Variants in PARD3B observed in about 807,000 individuals in gnomAD.
PARD3B encodes partitioning defective 3 homolog B.
A neutral mutation model predicts 130.2 loss-of-function variants in PARD3B; 103 were observed. The ratio of observed to expected loss-of-function variants is 0.79; its 90% CI spans 0.67 to 0.93. PARD3B has a LOEUF of 0.93. Among genes scored for constraint, PARD3B ranks in the 40% least tolerant of loss-of-function variants. The pLI is 0.00. For missense variants in PARD3B, 1,609 were observed against 1,499.2 expected (o/e 1.07, Z -1.21); for synonymous variants, 583 against 553.2 (o/e 1.05, Z -0.76).
intron 18 of PARD3B, among the ~76,000 whole-genome samples, chr2:205,390,564 T>A (rs2045822304): frequency 6.6e-6 from 1 of 152,198 alleles, no homozygotes; most frequent in African/African-American, 2.4e-5. Flanking sequence ...GTTATAAAGA[T>A]AAGTTTTACT....
At chr2:205,086,364 C>T (rs1701742065) in intron 4 of PARD3B, among the ~76,000 whole-genome samples, 2 of 152,100 alleles carry the variant, frequency 1.3e-5, no homozygotes. Flanking sequence ...CATGTGGCCT[C>T]TTTATTTTCC....
chr2:205,422,052 T>TA (rs761155099), intron 19 of PARD3B, among the ~76,000 whole-genome samples: 1 of 151,948 alleles, frequency 6.6e-6, no homozygotes, highest in Admixed American at 6.6e-5. Flanking sequence ...AACAGATAAA[T>TA]AAAAAAGATA....
intron 18 of PARD3B, among the ~76,000 whole-genome samples, chr2:205,388,170 A>G (rs1189226814): frequency 6.6e-6 from 1 of 152,172 alleles, no homozygotes; most frequent in African/African-American, 2.4e-5. Context: ...TGTGCTTCCT[A>G]GGATTGTGCA....
chr2:204,614,047 G>A (rs2034022537), intron 1 of PARD3B, among the ~76,000 whole-genome samples: 1 of 151,760 alleles, frequency 6.6e-6, no homozygotes, highest in Admixed American at 6.6e-5. Flanking sequence ...TATAGGTTTG[G>A]ATTTTTTTTT....
intron 3 of PARD3B, among the ~76,000 whole-genome samples, chr2:205,023,551 C>G (rs1261250385): frequency 2.4e-5 from 3 of 125,298 alleles, no homozygotes; most frequent in Non-Finnish European, 4.9e-5. Context: ...CCCGCCAAAT[C>G]CCCCTGTTTT....
chr2:205,388,724 C>T (rs2045749139), intron 18 of PARD3B, among the ~76,000 whole-genome samples: 1 of 152,014 alleles, frequency 6.6e-6, no homozygotes, highest in African/African-American at 2.4e-5. Context: ...AAAAACTTGT[C>T]TTTTGTTCAG....
At position 204,858,610 on chromosome 2, in the gene PARD3B, C is replaced by T. The variant is rs193071332; in HGVS notation, c.223-106542C>T. On this transcript the variant is annotated intron_variant, in intron 2 of 22. Transcript: ENST00000406610. The stretch of plus-strand genomic sequence containing the variant: ...AGGTCAAAGGATGCAACATAGGGTA[C>T]ATTAATGATAGTGTATTGTATTTAC... Among the ~76,000 whole-genome samples, 39 of 150,836 alleles carry T rather than the reference C, an allele frequency of 2.6e-4. 1 individual carries two copies. The East Asian group carries it at 6.6e-3, about 25-fold the overall frequency.
At chr2:205,129,975 A>G (rs982008452) in intron 10 of PARD3B, among the ~76,000 whole-genome samples, 1 of 152,210 alleles carries the variant, frequency 6.6e-6, no homozygotes, top group Admixed American at 6.5e-5. Context: ...CAAGTTTAGC[A>G]GCATATTTAG....
intron 20 of PARD3B, among the ~76,000 whole-genome samples, chr2:205,492,543 G>A (rs2049758121): frequency 6.6e-6 from 1 of 152,046 alleles, no homozygotes. Flanking sequence ...GTAAATTTGG[G>A]AAGAAATTAG....
intron 2 of PARD3B, among the ~76,000 whole-genome samples, chr2:204,949,995 T>C (rs1484891365): frequency 2.0e-5 from 3 of 152,212 alleles, no homozygotes; most frequent in Non-Finnish European, 2.9e-5. Flanking sequence ...AATAAGACTT[T>C]TGATCAATAA....
At chr2:205,097,199 A>G (rs1259014291) in intron 4 of PARD3B, among the ~76,000 whole-genome samples, 1 of 152,194 alleles carries the variant, frequency 6.6e-6, no homozygotes, top group African/African-American at 2.4e-5. Context: ...GATCTTTGAA[A>G]GAAAGGTAAA....
At chr2:205,115,063 A>T (rs1703931088) in intron 6 of PARD3B, among the ~76,000 whole-genome samples, 1 of 152,170 alleles carries the variant, frequency 6.6e-6, no homozygotes, top group Non-Finnish European at 1.5e-5. Flanking sequence ...GGTGGGATAG[A>T]GCACAAGATC....
At chr2:204,801,198 G>A (rs1311557276) in intron 2 of PARD3B, among the ~76,000 whole-genome samples, 1 of 152,074 alleles carries the variant, frequency 6.6e-6, no homozygotes, top group Non-Finnish European at 1.5e-5. Context: ...GGCTATATGG[G>A]CTCTTTTTTG....
chr2:205,191,811 GC>G (rs2036414917), intron 14 of PARD3B, among the ~76,000 whole-genome samples: 2 of 152,140 alleles, frequency 1.3e-5, no homozygotes, highest in Admixed American at 1.3e-4. Flanking sequence ...TTTAGAGTGG[GC>G]CAGACACACC....
intron 2 of PARD3B, among the ~76,000 whole-genome samples, chr2:204,730,657 C>G (rs1348165923): frequency 6.6e-6 from 1 of 151,404 alleles, no homozygotes; most frequent in Non-Finnish European, 1.5e-5. Flanking sequence ...CTCTGAAAAG[C>G]TCTCATCGGA....
At chr2:205,162,868 T>C (rs10490301) in intron 11 of PARD3B, among the ~76,000 whole-genome samples, 8,983 of 152,270 alleles carry the variant, frequency 0.059, 861 homozygotes, top group African/African-American at 0.2. Context: ...GATATTTTTA[T>C]GTTCATTTGC....
At chr2:204,985,153 C>T (rs1693023385) in intron 3 of PARD3B, among the ~76,000 whole-genome samples, 1 of 151,984 alleles carries the variant, frequency 6.6e-6, no homozygotes, top group African/African-American at 2.4e-5. Flanking sequence ...TTCCCCTTTT[C>T]CTTCCCCCAC....
intron 21 of PARD3B, among the ~76,000 whole-genome samples, chr2:205,540,333 T>C (rs866336625): frequency 4.6e-5 from 7 of 152,194 alleles, no homozygotes; most frequent in African/African-American, 1.7e-4. Context: ...TTTACAATTA[T>C]CATATTTCAC....
chr2:205,433,532 C>CAA (rs34275307), intron 19 of PARD3B, among the ~76,000 whole-genome samples: 1 of 110,302 alleles, frequency 9.1e-6, no homozygotes, highest in African/African-American at 3.5e-5. Context: ...GACTCTGTGT[C>CAA]AAAAAAAAAA....
Sources: gnomAD v4.1 joint callset for allele counts (sites outside exome capture counted in the v4.1 genomes callset) on GRCh38, gnomAD v4.1.1 for gene constraint, MANE v1.5 for transcripts, NCBI Gene and HGNC (gene_info 2026-07-23, HGNC 2026-07-21) for gene names.